PKD1: variants seen among roughly 807,000 people sequenced by gnomAD.
PKD1 encodes polycystin-1.
In PKD1, 81 loss-of-function variants were observed where a neutral mutation model predicts 361.7. That is an observed-to-expected ratio of 0.22 (90% CI 0.19 to 0.27). PKD1 has a LOEUF of 0.27. Ranked by LOEUF, PKD1 falls within the 10% of genes least tolerant of loss-of-function variation. The pLI, the probability that PKD1 is intolerant of heterozygous loss-of-function variation, is 1.00. For missense variants in PKD1, 6,399 were observed against 6,118.3 expected (o/e 1.05, Z -1.53); for synonymous variants, 3,615 against 2,818.3 (o/e 1.28, Z -8.95).
chr16:2,107,756 G>A (rs1485604364), intron 16 of PKD1, 127 bp downstream of exon 16: 4 of 879,976 alleles, frequency 4.5e-6, no homozygotes, highest in Admixed American at 2.0e-5. Context: ...GTGTTACATA[G>A]AATTTGCATC....
Position 2,090,978 on chromosome 16 carries a change from C to A in PKD1, c.11909G>T (p.Arg3970Leu), listed in dbSNP as rs1469271567. The change falls in exon 43 of 46, where the codon CGC (arginine) becomes CTC (leucine). Residue 3970 changes from arginine (R) to leucine (L), a missense_variant. Physicochemically the swap from Arg to Leu is moderately radical, Grantham distance 102. Coordinates refer to ENST00000262304, the MANE Select transcript of PKD1 (RefSeq NM_001009944.3). ...GTCGAAGCTAGTGAAGCGGCGCGGG[C>A]GGCCGCGCACGAAACGGGTCCACTG... ...DRQWTRFVRG[R>L]PRRFTSFDQV... 2 of 1,537,608 alleles carry A rather than the reference C, an allele frequency of 1.3e-6. No individual in the cohort carries two copies. Among genetic ancestry groups the A allele is most frequent in the Non-Finnish European group, 1.7e-6 (2 of 1,147,728 alleles).
At position 2,109,642 on chromosome 16, in the gene PKD1, G is replaced by A. The variant is rs1403422421; in HGVS notation, c.5525C>T (p.Pro1842Leu). The change falls in exon 15 of 46, where the codon CCC becomes CTC. Residue 1842 changes from proline to leucine, a missense_variant. Pro to Leu is a moderately conservative substitution (Grantham distance 98). Coordinates refer to ENST00000262304, the MANE Select transcript of PKD1 (RefSeq NM_001009944.3). ...GTNVSWCWAV[P>L]GGSSKRGPHV... Reference sequence around the variant, plus strand: ...AGGGCCACGCTTGCTGCTGCCGCCGGGCACAGCCCAGCACCAGCTCACATT... The same window carrying A: ...AGGGCCACGCTTGCTGCTGCCGCCGAGCACAGCCCAGCACCAGCTCACATT... 6.3e-7 allele frequency: 1 copy of A among 1,598,062 alleles called. No homozygotes were observed. Among genetic ancestry groups the A allele is most frequent in the Non-Finnish European group, 8.5e-7 (1 of 1,173,232 alleles).
At position 2,106,412 on chromosome 16, in the gene PKD1, T is replaced by C. The variant is rs751028182; in HGVS notation, c.7475A>G (p.His2492Arg). Residue 2492 changes from histidine (H) to arginine (R), a missense_variant, in exon 18 of 46, where the codon CAC (histidine) becomes CGC (arginine). By Grantham distance (29) the His-to-Arg change is conservative. Transcript: ENST00000262304. This position sits in a 1 kb window ranked among gnomAD's most constrained non-coding sequence, Gnocchi z 6.5. Reference sequence around the variant, plus strand: ...CCTGCACTCACCCGTGCATTCGAAGTGCACCTTGGTGGTGAGGGCGTGCAC... The same window carrying C: ...CCTGCACTCACCCGTGCATTCGAAGCGCACCTTGGTGGTGAGGGCGTGCAC... Reference protein sequence around the residue: ...GAVHALTTKVHFECTGWHDAE... With the variant: ...GAVHALTTKVRFECTGWHDAE... 76 of 1,589,264 alleles carry C rather than the reference T, an allele frequency of 4.8e-5. No homozygotes were observed. The African/African-American group carries it at 8.7e-4, about 18-fold the overall frequency.
chr16:2,090,237 G>T, intron 45 of PKD1, 43 bp from the exon 46 acceptor site: 1 of 1,609,224 alleles, frequency 6.2e-7, no homozygotes, highest in Non-Finnish European at 8.5e-7. Context: ...CTGCACCCTG[G>T]GCAGAGCCCA....
chr16:2,100,570 G>A lies in PKD1; in HGVS notation c.9398-4C>T, dbSNP rs758979227. ...ATGCCCACGTGGGCCGTGGTACCTG[G>A]GAGGCAAGAGGGAGGGGTGGGAGGC... is the stretch of plus-strand genomic sequence containing the variant. On this transcript the variant is annotated splice_region_variant and splice_polypyrimidine_tract_variant and intron_variant, in intron 26 of 45. Coordinates refer to ENST00000262304, the MANE Select transcript of PKD1 (RefSeq NM_001009944.3). This position sits in a 1 kb window ranked among gnomAD's most constrained non-coding sequence, Gnocchi z 4.4. 3.1e-6 allele frequency: 5 copies of A among 1,609,064 alleles called. No homozygotes were observed. In the South Asian group the frequency reaches 3.3e-5, roughly 11 times the overall value.
Position 2,097,379 on chromosome 16 carries a change from C to T in PKD1, c.10345G>A (p.Glu3449Lys). ...CTGGCCAGGGAGAAGCCGTCCTCCT[C>T]TGGGCCCAGCCCATGGCCCGCCTGG... ...RGQAGHGLGP[E>K]EDGFSLASPY... The change falls in exon 33 of 46, where the codon GAG (glutamate) becomes AAG (lysine). Residue 3449 changes from glutamate to lysine, a missense_variant. By Grantham distance (56) the Glu-to-Lys change is moderately conservative. Transcript: ENST00000262304. 5.0e-6 allele frequency: 8 copies of T among 1,611,672 alleles called. No individual in the cohort carries two copies. The highest frequency in any genetic ancestry group is 6.8e-6 in the Non-Finnish European group (8 of 1,179,936).
At position 2,102,939 on chromosome 16, in the gene PKD1, G is replaced by A. The variant is rs780322906; in HGVS notation, c.8823C>T (p.Tyr2941=). 14 of 1,607,760 alleles carry A rather than the reference G, an allele frequency of 8.7e-6. No individual in the cohort carries two copies. The highest frequency in any genetic ancestry group is 4.5e-5 in the East Asian group (2 of 44,882). The part of the protein sequence containing the change: ...GHYLSEEPEP[Y]LAVYLHSEPR... ...GCTCCGAGTGTAGGTAGACTGCCAGGTAGGGCTCAGGTTCCTCAGACAGGT... is the reference window on the plus strand; with the variant it reads ...GCTCCGAGTGTAGGTAGACTGCCAGATAGGGCTCAGGTTCCTCAGACAGGT... The change falls in exon 24 of 46, where the codon TAC becomes TAT. Residue 2941 remains tyrosine, a synonymous_variant. Coordinates refer to ENST00000262304, the MANE Select transcript of PKD1 (RefSeq NM_001009944.3).
In PKD1 at chr16:2,100,286, G is replaced by C. The variant is rs1474701377; in HGVS notation, c.9592C>G (p.Gln3198Glu). The C allele has an allele frequency of 6.2e-7, 1 of 1,610,716 alleles. No homozygotes were observed. Among genetic ancestry groups the C allele is most frequent in the Non-Finnish European group, 8.5e-7 (1 of 1,179,774 alleles). The change falls in exon 28 of 46, where the codon CAG becomes GAG. Residue 3198 changes from glutamine (Q) to glutamate (E), a missense_variant. By Grantham distance (29) the Gln-to-Glu change is conservative. Transcript: ENST00000262304. This position sits in a 1 kb window ranked among gnomAD's most constrained non-coding sequence, Gnocchi z 4.4. ...TGCAGGTCCCTGACGATGACGTGCT[G>C]CAGGAACCAGGCAGGGCTGAGCCCT... ...NKGLSPAWFLQHVIVRDLQTA... is the reference protein window; with the variant it reads ...NKGLSPAWFLEHVIVRDLQTA...
intron 1 of PKD1, among the ~76,000 whole-genome samples, chr16:2,128,351 A>T (rs1227588095): frequency 4.3e-5 from 6 of 139,792 alleles, no homozygotes; most frequent in Non-Finnish European, 9.3e-5. Flanking sequence ...GAGAGGTGGG[A>T]GGGGCTGGCA....
intron 42 of PKD1, 81 bp downstream of exon 42, chr16:2,091,342 A>AGGGGTTG (rs1567151473): frequency 2.0e-6 from 1 of 500,012 alleles, no homozygotes; most frequent in Non-Finnish European, 2.4e-6. Context: ...GCGAGGGGTG[A>AGGGGTTG]GACGCTGCCG....
chr16:2,109,446 A>C lies in PKD1; in HGVS notation c.5721T>G (p.Phe1907Leu), dbSNP rs756874409. 1.1e-5 allele frequency: 17 copies of C among 1,606,440 alleles called. No individual in the cohort carries two copies. The highest frequency in any genetic ancestry group is 8.5e-7 in the Non-Finnish European group (1 of 1,179,516). Residue 1907 changes from phenylalanine to leucine, a missense_variant, in exon 15 of 46, where the codon TTT (phenylalanine) becomes TTG (leucine). By Grantham distance (22) the Phe-to-Leu change is conservative (BLOSUM62 0). Coordinates refer to ENST00000262304, the MANE Select transcript of PKD1 (RefSeq NM_001009944.3). ...KVVAPGQLVH[F>L]QILLAAGSAV... ...CTGAGCCGGCAGCCAGCAGGATCTG[A>C]AAATGGACCAGCTGCCCGGGCGCCA...
intron 34 of PKD1, among the ~76,000 whole-genome samples, chr16:2,095,945 T>C (rs969996731): frequency 1.3e-5 from 2 of 152,242 alleles, no homozygotes; most frequent in Non-Finnish European, 2.9e-5. Flanking sequence ...AATTTATTCA[T>C]AAAGATGCCC....
Position 2,090,485 on chromosome 16 carries a change from G to A in PKD1, c.12244C>T (p.Leu4082=), listed in dbSNP as rs763827549. The stretch of plus-strand genomic sequence containing the variant: ...AGCCCCACACACAGCAGGGGTGACA[G>A]GTGCCAGGACTCGGCAGGACACAGG... ...STLCPAESWH[L]SPLLCVGLWA... Residue 4082 remains leucine, a synonymous_variant, in exon 45 of 46, where the codon CTG becomes TTG. Coordinates refer to ENST00000262304, the MANE Select transcript of PKD1 (RefSeq NM_001009944.3). 2.4e-5 allele frequency: 39 copies of A among 1,611,968 alleles called. No individual in the cohort carries two copies. The South Asian group carries it at 3.0e-4, about 12-fold the overall frequency.
In PKD1 at chr16:2,089,731, G is replaced by A. The variant is rs1403508525; in HGVS notation, c.12908C>T (p.Thr4303Ile). ...RAKNKVHPSS[T>I] Reference sequence around the variant, plus strand: ...CACCCCCGCCAGGAAGGAGGACTAAGTGCTGCTGGGGTGGACCTTGTTCTT... The same window carrying A: ...CACCCCCGCCAGGAAGGAGGACTAAATGCTGCTGGGGTGGACCTTGTTCTT... The change falls in exon 46 of 46, where the codon ACT becomes ATT. Residue 4303 changes from threonine to isoleucine, a missense_variant. By Grantham distance (89) the Thr-to-Ile change is moderately conservative. Coordinates refer to ENST00000262304, the MANE Select transcript of PKD1 (RefSeq NM_001009944.3). 6.3e-7 allele frequency: 1 copy of A among 1,582,568 alleles called. No individual in the cohort carries two copies. The highest frequency in any genetic ancestry group is 8.6e-7 in the Non-Finnish European group (1 of 1,166,052).
Position 2,100,704 on chromosome 16 carries a change from T to A in PKD1, c.9398-138A>T. 1.4e-6 allele frequency: 1 copy of A among 699,336 alleles called. No homozygotes were observed. The highest frequency in any genetic ancestry group is 1.7e-5 in the African/African-American group (1 of 57,696). The allele number at this position is 699,336 out of a possible 1,614,324, so 43.3% of individuals were successfully genotyped here. A position where few individuals can be genotyped will look rare whatever the true frequency, so the allele number is the denominator to read the frequency against. ...GTCCCGGCTTTGCACGGCTCTGCCA[T>A]ACACAAGGAGCTGCGGTTACTGCAA... is the stretch of plus-strand genomic sequence containing the variant. On this transcript the variant is annotated intron_variant, in intron 26 of 45. Transcript: ENST00000262304. This position sits in a 1 kb window ranked among gnomAD's most constrained non-coding sequence, Gnocchi z 4.4.
chr16:2,103,973 G>A (rs1309721742), intron 22 of PKD1, 78 bp from the exon 23 acceptor site: 1 of 634,414 alleles, frequency 1.6e-6, no homozygotes, highest in Non-Finnish European at 2.4e-6. Flanking sequence ...GGGAGCCGGA[G>A]GGTGGGGGCT....
Position 2,127,115 on chromosome 16 carries a change from T to C in PKD1, c.216-7737A>G, listed in dbSNP as rs370956244. On this transcript the variant is annotated intron_variant, in intron 1 of 45. Transcript: ENST00000262304. ...AGGCTTGGCACAACCTCCCCAAAGC[T>C]CCCAAAGACTCTCGGTGCCCACCAG... 6.7e-5 allele frequency among the ~76,000 whole-genome samples: 10 copies of C among 150,200 alleles called. No individual in the cohort carries two copies. The East Asian group carries it at 1.8e-3, about 27-fold the overall frequency.
rs1161894456 is a variant in PKD1 at position 2,114,284 on chromosome 16, C to T, written c.2739G>A (p.Val913=). ...GGTTGGCCCGGCTGGCGCTGTTTTCCACCACCACGTCCACCACGTGCTCCC... is the reference window on the plus strand; with the variant it reads ...GGTTGGCCCGGCTGGCGCTGTTTTCTACCACCACGTCCACCACGTGCTCCC... ...SEGEHVVDVV[V]ENSASRANLS... Residue 913 remains valine (V), a synonymous_variant, in exon 11 of 46, where the codon GTG becomes GTA. Coordinates refer to ENST00000262304, the MANE Select transcript of PKD1 (RefSeq NM_001009944.3). 1 of 1,610,500 alleles carries T rather than the reference C, an allele frequency of 6.2e-7. No homozygotes were observed. Among genetic ancestry groups the T allele is most frequent in the Non-Finnish European group, 8.5e-7 (1 of 1,179,668 alleles).
Position 2,093,278 on chromosome 16 carries a change from G to C in PKD1, c.11017-185C>G, listed in dbSNP as rs2091684113. ...CACACCCTGCCCGGAACCCCACCTG[G>C]GGGCAGACACACAGGCCACTGCAGT... On this transcript the variant is annotated intron_variant, in intron 37 of 45. Coordinates refer to ENST00000262304, the MANE Select transcript of PKD1 (RefSeq NM_001009944.3). The C allele has an allele frequency of 4.0e-6, 3 of 742,158 alleles. No homozygotes were observed. The South Asian group carries it at 5.1e-5, about 13-fold the overall frequency. 46.0% of individuals were successfully genotyped at this position (742,158 alleles called of 1,614,324 possible).
Sources: allele counts gnomAD v4.1 joint callset (sites outside exome capture counted in the v4.1 genomes callset), GRCh38; gene constraint gnomAD v4.1.1; non-coding constraint Gnocchi (gnomAD v3.1); transcripts MANE v1.5; gene names NCBI Gene and HGNC (gene_info 2026-07-23, HGNC 2026-07-21).